The following CTBP1 variants were observed in gnomAD, a reference collection of about 807,000 sequenced individuals.
CTBP1 encodes C-terminal-binding protein 1.
CTBP1 carries 11 observed loss-of-function variants against 42.1 expected under a neutral mutation model. The ratio of observed to expected loss-of-function variants is 0.26; its 90% CI spans 0.16 to 0.43. CTBP1 has a LOEUF of 0.43. Among genes scored for constraint, CTBP1 ranks in the 20% least tolerant of loss-of-function variants. The pLI, the probability that CTBP1 is intolerant of heterozygous loss-of-function variation, is 1.00. For missense variants in CTBP1, 399 were observed against 624.3 expected, an observed-to-expected ratio of 0.64 and a Z score of 3.85; for synonymous variants, 324 against 277.1, an observed-to-expected ratio of 1.17 and a Z score of -1.68.
chr4:1,245,595 T>G (rs1732634112), intron 1 of CTBP1: 1 of 974,104 alleles, frequency 1.0e-6, no homozygotes, highest in African/African-American at 1.9e-5. Flanking sequence ...CAGGGAAGAG[T>G]GGCACGGGAG....
intron 1 of CTBP1, among the ~76,000 whole-genome samples, chr4:1,247,834 C>T (rs1438716913): frequency 2.0e-5 from 3 of 152,194 alleles, no homozygotes; most frequent in African/African-American, 4.8e-5. Context: ...GCTCCAGGCC[C>T]TCTTGCCCCA....
intron 7 of CTBP1, chr4:1,213,950 C>T (rs1728824964): frequency 4.9e-6 from 2 of 405,644 alleles, no homozygotes; most frequent in Non-Finnish European, 8.8e-6. Flanking sequence ...GGGGGTGTCT[C>T]CTCTTGCGGC....
rs778118638 is a variant in CTBP1, at chr4:1,238,052, C to T, written c.162+131G>A. 1.1e-5 allele frequency: 14 copies of T among 1,239,492 alleles called. No homozygotes were observed. The highest frequency in any genetic ancestry group is 1.7e-5 in the Admixed American group (1 of 59,272). The allele number at this position is 1,239,492 out of a possible 1,614,324, so 76.8% of individuals were successfully genotyped here. Reference sequence around the variant, plus strand: ...GTGTCCACCTCCTGACGGCGCGGGACGACTGGGACAGAGGCTGCTCCTGCC... The same window carrying T: ...GTGTCCACCTCCTGACGGCGCGGGATGACTGGGACAGAGGCTGCTCCTGCC... On this transcript the variant is annotated intron_variant, in intron 3 of 9. Transcript: ENST00000382952. The surrounding 1 kb of genome is among the most constrained non-coding windows in gnomAD (Gnocchi z 5.9).
rs572687073 is a variant in CTBP1, at chr4:1,220,987, C to T, written c.514+4373G>A. Among the ~76,000 whole-genome samples, 9 of 152,370 alleles carry T rather than the reference C, an allele frequency of 5.9e-5. No homozygotes were observed. In the South Asian group the frequency reaches 1.0e-3, roughly 18 times the overall value. On this transcript the variant is annotated intron_variant, in intron 5 of 9. Transcript: ENST00000382952. ...CGCTGGGCTTCATAAAAACTGAAAA[C>T]GTGTTCTCGTCACAGAGAGAGGTCA...
At chr4:1,222,193 G>A (rs185153477) in intron 5 of CTBP1, among the ~76,000 whole-genome samples, 5 of 152,160 alleles carry the variant, frequency 3.3e-5, no homozygotes, top group Admixed American at 2.6e-4. Flanking sequence ...GGGGCTCAGG[G>A]ACAAGGGCGA....
intron 1 of CTBP1, chr4:1,243,002 CTCA>C: frequency 2.0e-6 from 2 of 985,388 alleles, no homozygotes; most frequent in Non-Finnish European, 1.2e-6. Context: ...CCAGCCAATA[CTCA>C]TCAATACTGG....
chr4:1,239,867 A>G (rs1460478527), intron 2 of CTBP1, among the ~76,000 whole-genome samples: 1 of 152,190 alleles, frequency 6.6e-6, no homozygotes, highest in East Asian at 1.9e-4. Flanking sequence ...CTGTTCCTTC[A>G]TTCCCTCTGG....
At chr4:1,224,229 T>A (rs1730068893) in intron 5 of CTBP1, among the ~76,000 whole-genome samples, 1 of 152,222 alleles carries the variant, frequency 6.6e-6, no homozygotes, top group Non-Finnish European at 1.5e-5. Context: ...TATGGTGTGA[T>A]ATCCATGTGT....
intron 1 of CTBP1, chr4:1,248,568 C>T: frequency 3.6e-6 from 2 of 563,060 alleles, no homozygotes; most frequent in Non-Finnish European, 4.5e-6. Context: ...GGATCGGGAC[C>T]CGGGGTGCCG....
chr4:1,228,982 A>C (rs1212419995), intron 3 of CTBP1, among the ~76,000 whole-genome samples: 1 of 152,248 alleles, frequency 6.6e-6, no homozygotes, highest in Non-Finnish European at 1.5e-5. Flanking sequence ...AGCAGTGTTC[A>C]CAACAGTCAC....
chr4:1,218,688 G>A (rs959451611), intron 5 of CTBP1: 1 of 152,192 alleles, frequency 6.6e-6, no homozygotes, highest in Non-Finnish European at 1.5e-5. Flanking sequence ...GAGCCACCGC[G>A]GGCCTCTGGC....
intron 3 of CTBP1, among the ~76,000 whole-genome samples, chr4:1,234,336 T>C (rs1731266425): frequency 6.6e-6 from 1 of 152,206 alleles, no homozygotes; most frequent in African/African-American, 2.4e-5. Flanking sequence ...GGGGCTCCTT[T>C]CTGTGGCGCC....
At chr4:1,227,694 A>G (rs1273775591) in intron 4 of CTBP1, among the ~76,000 whole-genome samples, 1 of 150,690 alleles carries the variant, frequency 6.6e-6, no homozygotes, top group Non-Finnish European at 1.5e-5. Context: ...CTGAGTGCAC[A>G]TGCACGGATG....
intron 6 of CTBP1, 127 bp from the exon 7 acceptor site, chr4:1,214,600 GGGCTCACCAC>G: frequency 1.6e-6 from 2 of 1,250,342 alleles, no homozygotes; most frequent in Non-Finnish European, 2.1e-6. Flanking sequence ...GCCCCACCCT[GGGCTCACCAC>G]GGCGCTAGGA....
chr4:1,216,432 T>C (rs1729125495), intron 5 of CTBP1: 2 of 599,356 alleles, frequency 3.3e-6, no homozygotes, highest in Non-Finnish European at 5.9e-6. Context: ...GTGGAAAGGG[T>C]ACACTAGCCC....
chr4:1,241,360 C>G lies in CTBP1; in HGVS notation c.-29G>C. ...TTAATATGGGCTCAGCTTCCACGACCATGAATTCGACTTTTCAAAGCTTTT... is the reference window on the plus strand; with the variant it reads ...TTAATATGGGCTCAGCTTCCACGACGATGAATTCGACTTTTCAAAGCTTTT... On this transcript the variant is annotated 5_prime_UTR_variant, in exon 2 of 10. It removes an upstream start codon present in the reference 5' UTR. Transcript: ENST00000382952. The G allele has an allele frequency of 9.9e-7, 1 of 1,014,568 alleles. No homozygotes were observed. The highest frequency in any genetic ancestry group is 1.6e-6 in the Non-Finnish European group (1 of 631,708). 62.8% of individuals were successfully genotyped at this position (1,014,568 alleles called of 1,614,324 possible).
At chr4:1,243,021 CT>C in intron 1 of CTBP1, 1 of 985,418 alleles carries the variant, frequency 1.0e-6, no homozygotes, top group Non-Finnish European at 1.2e-6. Context: ...ACTGGCCAAA[CT>C]CATTGATACG....
chr4:1,232,435 C>A (rs931349035), intron 3 of CTBP1, among the ~76,000 whole-genome samples: 2 of 152,166 alleles, frequency 1.3e-5, no homozygotes, highest in Admixed American at 1.3e-4. Flanking sequence ...CCTCAGCCTC[C>A]TGAGTATCTT....
intron 5 of CTBP1, chr4:1,218,543 A>C (rs1729394787): frequency 1.3e-5 from 2 of 152,224 alleles, no homozygotes; most frequent in Non-Finnish European, 2.9e-5. Flanking sequence ...GGCGTAAACA[A>C]GGCAGAAAGG....
Sources: gnomAD v4.1 joint callset for allele counts (sites outside exome capture counted in the v4.1 genomes callset) on GRCh38, gnomAD v4.1.1 for gene constraint, Gnocchi (gnomAD v3.1) non-coding constraint, MANE v1.5 for transcripts, NCBI Gene and HGNC (gene_info 2026-07-23, HGNC 2026-07-21) for gene names.